The following KCNK5 variants were observed in gnomAD, a reference collection of about 807,000 sequenced individuals.
KCNK5 encodes the protein potassium two pore domain channel subfamily K member 5.
Under a neutral mutation model 32.9 loss-of-function variants are expected in KCNK5, and 18 were observed. The observed-to-expected ratio is 0.55, with a 90% confidence interval of 0.38 to 0.81. KCNK5 has a LOEUF of 0.81. Ranked by LOEUF, KCNK5 falls within the 30% of genes least tolerant of loss-of-function variation. The pLI is 0.00. For synonymous variants in KCNK5, 276 were observed against 275.3 expected (o/e 1.00, Z -0.03); for missense variants, 507 against 651.0 (o/e 0.78, Z 2.41).
rs948983223 is a variant in KCNK5 at position 39,229,326 on chromosome 6, C to A, written c.-215G>T. 4 of 604,214 alleles carry A rather than the reference C, an allele frequency of 6.6e-6. No individual in the cohort carries two copies. The highest frequency in any genetic ancestry group is 8.6e-6 in the Non-Finnish European group (3 of 347,002). 37.4% of individuals were successfully genotyped at this position (604,214 alleles called of 1,614,324 possible). A position where few individuals can be genotyped will look rare whatever the true frequency, so the allele number is the denominator to read the frequency against. On this transcript the variant is annotated 5_prime_UTR_variant, in exon 1 of 5. Transcript: ENST00000359534. ...GGAGCTGCGTGGGGCCCCACTCACGCGGCCCGGGGTGGGCGAACACCAGCG... is the reference window on the plus strand; with the variant it reads ...GGAGCTGCGTGGGGCCCCACTCACGAGGCCCGGGGTGGGCGAACACCAGCG...
At chr6:39,220,357 G>C (rs1016277934) in intron 1 of KCNK5, among the ~76,000 whole-genome samples, 1 of 152,184 alleles carries the variant, frequency 6.6e-6, no homozygotes, top group Non-Finnish European at 1.5e-5. Context: ...ATGGAGGAGA[G>C]GAAAAAGAAT....
chr6:39,225,116 TCTTCTGTAGCCCACACCCA>T (rs1279864599), intron 1 of KCNK5, among the ~76,000 whole-genome samples: 27 of 152,156 alleles, frequency 1.8e-4, no homozygotes, highest in African/African-American at 5.8e-4. Flanking sequence ...CCTGAAAACC[TCTTCTGTAGCCCACACCCA>T]CTGTCTTGTT....
At chr6:39,225,468 C>T (rs1009593052) in intron 1 of KCNK5, among the ~76,000 whole-genome samples, 2 of 152,304 alleles carry the variant, frequency 1.3e-5, no homozygotes, top group Middle Eastern at 6.8e-3. Flanking sequence ...TGTTTCTGAT[C>T]ACTGCCCACC....
intron 1 of KCNK5, among the ~76,000 whole-genome samples, chr6:39,218,350 T>C (rs1451956117): frequency 1.3e-5 from 2 of 152,180 alleles, no homozygotes; most frequent in African/African-American, 2.4e-5. Context: ...ATTATAAGCA[T>C]GAGCCACCAC....
intron 4 of KCNK5, among the ~76,000 whole-genome samples, chr6:39,192,351 G>A (rs997653750): frequency 1.7e-4 from 25 of 150,478 alleles, no homozygotes; most frequent in Non-Finnish European, 3.1e-4. Context: ...GGGGCTTTGG[G>A]GGACTGGCAA....
At chr6:39,207,799 GTCCTGTTC>G (rs1229436724) in intron 1 of KCNK5, among the ~76,000 whole-genome samples, 2 of 152,122 alleles carry the variant, frequency 1.3e-5, no homozygotes, top group Non-Finnish European at 2.9e-5. Context: ...GTGGCTGCCA[GTCCTGTTC>G]TCCTGGACAC....
rs1562049029 is a variant in KCNK5, at chr6:39,191,373, A to AG, written c.1016dup (p.Ser340PhefsTer35). The AG allele has an allele frequency of 6.2e-7, 1 of 1,613,450 alleles. No individual in the cohort carries two copies. Among genetic ancestry groups the AG allele is most frequent in the Non-Finnish European group, 8.5e-7 (1 of 1,179,980 alleles). The stretch of plus-strand genomic sequence containing the variant: ...AGTAGACTACCAGGGGCACCAGGGA[A>AG]GGGGGCAGTGCTGGGAGCCCACCGC... On this transcript the variant is annotated frameshift_variant, in exon 5 of 5. Coordinates refer to ENST00000359534, the MANE Select transcript of KCNK5 (RefSeq NM_003740.4). LOFTEE classifies it low-confidence loss of function (END_TRUNC). This position sits in a 1 kb window ranked among gnomAD's most constrained non-coding sequence, Gnocchi z 5.8.
At position 39,191,249 on chromosome 6, in the gene KCNK5, G is replaced by A; in HGVS notation, c.1141C>T (p.Pro381Ser). 1 of 1,614,104 alleles carries A rather than the reference G, an allele frequency of 6.2e-7. No homozygotes were observed. Among genetic ancestry groups the A allele is most frequent in the South Asian group, 1.1e-5 (1 of 91,090 alleles). The change falls in exon 5 of 5, where the codon CCT becomes TCT. Residue 381 changes from proline to serine, a missense_variant. By Grantham distance (74) the Pro-to-Ser change is moderately conservative. Coordinates refer to ENST00000359534, the MANE Select transcript of KCNK5 (RefSeq NM_003740.4). This position sits in a 1 kb window ranked among gnomAD's most constrained non-coding sequence, Gnocchi z 5.8. ...TCGGGGGCAGGGGAGCTGTCTTCAG[G>A]GGCCCGTGCCACAGCCTCCTCATCT... Reference protein sequence around the residue: ...SPDEEAVARAPEDSSPAPEVF... With the variant: ...SPDEEAVARASEDSSPAPEVF...
rs1339401641 is a variant in KCNK5, at chr6:39,194,519, C to G, written c.465+75G>C. The G allele has an allele frequency of 3.2e-6, 5 of 1,542,724 alleles. No homozygotes were observed. Among genetic ancestry groups the G allele is most frequent in the Non-Finnish European group, 4.4e-6 (5 of 1,131,396 alleles). Reference sequence around the variant, plus strand: ...TGTCCTTACACCCTTGGTCCAATTCCTAGAGGCCTCCTGTCCTCCCCTCAC... The same window carrying G: ...TGTCCTTACACCCTTGGTCCAATTCGTAGAGGCCTCCTGTCCTCCCCTCAC... On this transcript the variant is annotated intron_variant, in intron 3 of 4. Coordinates refer to ENST00000359534, the MANE Select transcript of KCNK5 (RefSeq NM_003740.4). The surrounding 1 kb of genome is among the most constrained non-coding windows in gnomAD (Gnocchi z 4.7).
chr6:39,201,257 T>C (rs1433689744), intron 1 of KCNK5, among the ~76,000 whole-genome samples: 7 of 150,078 alleles, frequency 4.7e-5, no homozygotes, highest in Non-Finnish European at 8.9e-5. Flanking sequence ...TTTCTTCTTT[T>C]TTTTTTTTTT....
At chr6:39,193,168 A>T (rs533634777) in intron 4 of KCNK5, among the ~76,000 whole-genome samples, 1 of 152,220 alleles carries the variant, frequency 6.6e-6, no homozygotes, top group East Asian at 1.9e-4. Context: ...AGTATGGCTA[A>T]GTGTACATCT....
chr6:39,201,271 G>A (rs1254613471), intron 1 of KCNK5, among the ~76,000 whole-genome samples: 2 of 141,018 alleles, frequency 1.4e-5, no homozygotes, highest in South Asian at 2.2e-4. Flanking sequence ...TTTTTTTTGC[G>A]ATGAGAGTCT....
chr6:39,199,883 C>A (rs895201223), intron 1 of KCNK5, among the ~76,000 whole-genome samples: 1 of 152,202 alleles, frequency 6.6e-6, no homozygotes. Flanking sequence ...TTCTGCCAGG[C>A]ATCACTTGGC....
At chr6:39,203,778 A>G (rs1771172576) in intron 1 of KCNK5, among the ~76,000 whole-genome samples, 1 of 152,270 alleles carries the variant, frequency 6.6e-6, no homozygotes, top group African/African-American at 2.4e-5. Context: ...CACAACTTTT[A>G]AAAAGCTCCA....
At position 39,194,069 on chromosome 6, in the gene KCNK5, C is replaced by T; in HGVS notation, c.634+100G>A. 7.7e-7 allele frequency: 1 copy of T among 1,305,126 alleles called. No individual in the cohort carries two copies. Among genetic ancestry groups the T allele is most frequent in the Non-Finnish European group, 1.1e-6 (1 of 909,720 alleles). The allele number at this position is 1,305,126 out of a possible 1,614,324, so 80.8% of individuals were successfully genotyped here. ...GAATCCCACTGGGTAAGAGAAGTGC[C>T]CAGAACATGGAACCCTACCTAGGGC... is the stretch of plus-strand genomic sequence containing the variant. On this transcript the variant is annotated intron_variant, in intron 4 of 4. Coordinates refer to ENST00000359534, the MANE Select transcript of KCNK5 (RefSeq NM_003740.4). The surrounding 1 kb of genome is among the most constrained non-coding windows in gnomAD (Gnocchi z 4.7).
Position 39,190,780 on chromosome 6 carries a change from A to T in KCNK5, c.*110T>A. ...GGAAGGCCCCTGGCCCCCCACTCCC[A>T]GTTCCGAGGCTGCCCCCCCACCAGG... On this transcript the variant is annotated 3_prime_UTR_variant, in exon 5 of 5. Coordinates refer to ENST00000359534, the MANE Select transcript of KCNK5 (RefSeq NM_003740.4). 1 of 1,147,148 alleles carries T rather than the reference A, an allele frequency of 8.7e-7. No individual in the cohort carries two copies. Among genetic ancestry groups the T allele is most frequent in the Non-Finnish European group, 1.2e-6 (1 of 854,584 alleles). 71.1% of individuals were successfully genotyped at this position (1,147,148 alleles called of 1,614,324 possible). A position where few individuals can be genotyped will look rare whatever the true frequency, so the allele number is the denominator to read the frequency against.
intron 1 of KCNK5, among the ~76,000 whole-genome samples, chr6:39,203,594 G>A (rs1216426699): frequency 6.6e-6 from 1 of 152,200 alleles, no homozygotes; most frequent in Non-Finnish European, 1.5e-5. Flanking sequence ...GCCAGGAGGT[G>A]TTAGATGGCA....
chr6:39,206,796 G>A (rs865978770), intron 1 of KCNK5, among the ~76,000 whole-genome samples: 5 of 152,166 alleles, frequency 3.3e-5, no homozygotes, highest in Admixed American at 6.5e-5. Flanking sequence ...TTAACACTCC[G>A]TATCTGGAAA....
rs930215038 is a variant in KCNK5, at chr6:39,229,138, A to T, written c.-27T>A. On this transcript the variant is annotated 5_prime_UTR_variant, in exon 1 of 5. Coordinates refer to ENST00000359534, the MANE Select transcript of KCNK5 (RefSeq NM_003740.4). ...GCTCCCGAGCGGCCGCCTCCTAGAG[A>T]AAGCCTCTCCTAGCCCCAGCTGCTA... 3.1e-6 allele frequency: 5 copies of T among 1,611,776 alleles called. No individual in the cohort carries two copies. The African/African-American group carries it at 5.3e-5, about 17-fold the overall frequency.
Sources: gnomAD v4.1 joint callset for allele counts (sites outside exome capture counted in the v4.1 genomes callset) on GRCh38, gnomAD v4.1.1 for gene constraint, Gnocchi (gnomAD v3.1) non-coding constraint, MANE v1.5 for transcripts, NCBI Gene and HGNC (gene_info 2026-07-23, HGNC 2026-07-21) for gene names.